The following KDM2B variants were observed in gnomAD, a reference collection of about 807,000 sequenced individuals.
KDM2B encodes lysine demethylase 2B.
In KDM2B, 26 loss-of-function variants were observed where a neutral mutation model predicts 150.0. The observed-to-expected ratio is 0.17, with a 90% CI of 0.13 to 0.24. The LOEUF is 0.24. KDM2B is among the 10% of genes least tolerant of loss of function. The probability of loss-of-function intolerance (pLI) is 1.00; values close to 1 mark genes in which losing one functional copy is unlikely to be tolerated. For missense variants in KDM2B, 1,265 were observed against 1,816.9 expected (o/e 0.70, Z 5.52); for synonymous variants, 734 against 729.5 (o/e 1.01, Z -0.10).
chr12:121,484,182 G>A (rs1555298392), intron 12 of KDM2B, among the ~76,000 whole-genome samples: 1 of 152,146 alleles, frequency 6.6e-6, no homozygotes, highest in Non-Finnish European at 1.5e-5. Flanking sequence ...GGCCAGAGAG[G>A]CAAAGAAGCC....
At chr12:121,535,884 G>A (rs141692344) in intron 6 of KDM2B, 3,043 of 175,526 alleles carry the variant, frequency 0.017, 91 homozygotes, top group African/African-American at 0.07. Flanking sequence ...GGCACATGAC[G>A]GTGCCAGGGA....
chr12:121,438,653 G>T (rs1391562468), intron 22 of KDM2B, among the ~76,000 whole-genome samples: 1 of 152,050 alleles, frequency 6.6e-6, no homozygotes, highest in African/African-American at 2.4e-5. Context: ...GGTCCCGAAT[G>T]ATCTCATCCC....
At chr12:121,436,018 AAAT>A (rs1873919009) in intron 22 of KDM2B, among the ~76,000 whole-genome samples, 1 of 152,240 alleles carries the variant, frequency 6.6e-6, no homozygotes, top group Non-Finnish European at 1.5e-5. Flanking sequence ...AGAGAGAAGA[AAAT>A]AAAACAATCA....
intron 11 of KDM2B, among the ~76,000 whole-genome samples, chr12:121,502,753 T>C (rs1555302216): frequency 9.4e-6 from 1 of 105,902 alleles, no homozygotes; most frequent in East Asian, 3.1e-4. Context: ...GAGACCCCCA[T>C]CTCTACCAAA....
the KDM2B span, among the ~76,000 whole-genome samples, chr12:121,415,030 A>G: frequency 1.3e-5 from 2 of 152,140 alleles, no homozygotes; most frequent in Non-Finnish European, 2.9e-5. Flanking sequence ...CGGGAGGCGG[A>G]CGTTGCAGTG....
At chr12:121,496,769 G>A (rs549596363) in intron 11 of KDM2B, among the ~76,000 whole-genome samples, 9 of 152,052 alleles carry the variant, frequency 5.9e-5, no homozygotes, top group African/African-American at 2.2e-4. Context: ...TGGGAGTGCG[G>A]ATGTGAGCCC....
the KDM2B span, chr12:121,419,871 G>A: frequency 5.8e-6 from 1 of 173,576 alleles, no homozygotes. Flanking sequence ...GCTTTTTTCT[G>A]TCTGCATCTT....
chr12:121,508,887 G>C (rs1885325536), intron 11 of KDM2B, among the ~76,000 whole-genome samples: 1 of 152,208 alleles, frequency 6.6e-6, no homozygotes, highest in Non-Finnish European at 1.5e-5. Flanking sequence ...GCTCCAACAT[G>C]CTGGCCCAGG....
intron 6 of KDM2B, among the ~76,000 whole-genome samples, chr12:121,543,879 T>A (rs782479734): frequency 6.6e-6 from 1 of 151,804 alleles, no homozygotes; most frequent in South Asian, 2.1e-4. Flanking sequence ...CCCAGCACTT[T>A]GGGAGGCCAA....
downstream of KDM2B, among the ~76,000 whole-genome samples, chr12:121,425,769 CTTT>C (rs111588236): frequency 2.1e-5 from 3 of 141,766 alleles, no homozygotes; most frequent in Non-Finnish European, 4.6e-5. Flanking sequence ...TTTGTCTAAA[CTTT>C]TTTTTTTTTT....
chr12:121,517,199 G>A (rs1350578181), intron 9 of KDM2B, among the ~76,000 whole-genome samples: 1 of 152,034 alleles, frequency 6.6e-6, no homozygotes, highest in East Asian at 1.9e-4. Flanking sequence ...ACTCGTTGCT[G>A]TCACTCTTCC....
chr12:121,571,632 T>C (rs1204829735), intron 4 of KDM2B, among the ~76,000 whole-genome samples: 2 of 151,152 alleles, frequency 1.3e-5, no homozygotes, highest in Non-Finnish European at 2.9e-5. Context: ...GCAACTTTTA[T>C]AGTATGTGAA....
intron 4 of KDM2B, among the ~76,000 whole-genome samples, chr12:121,560,416 T>C (rs1368551138): frequency 1.3e-5 from 2 of 152,158 alleles, no homozygotes; most frequent in Non-Finnish European, 2.9e-5. Flanking sequence ...ACAGAAGCTT[T>C]GATGACAGCC....
At chr12:121,428,983 C>CA (rs1555284709), downstream of KDM2B, 4 of 152,300 alleles carry the variant, frequency 2.6e-5, no homozygotes, top group African/African-American at 9.6e-5. Flanking sequence ...TGGCCGTTGT[C>CA]AGAGTATAGC....
At chr12:121,517,097 G>C (rs1886281815) in intron 9 of KDM2B, among the ~76,000 whole-genome samples, 1 of 152,078 alleles carries the variant, frequency 6.6e-6, no homozygotes, top group Admixed American at 6.6e-5. Flanking sequence ...TGATCATTTG[G>C]ACCATACCTA....
intron 9 of KDM2B, among the ~76,000 whole-genome samples, chr12:121,515,940 C>G (rs1490031427): frequency 1.3e-5 from 2 of 152,160 alleles, no homozygotes; most frequent in East Asian, 3.9e-4. Context: ...AGTTTCAGTG[C>G]TGGGAGAAGA....
At chr12:121,500,634 C>A (rs1884450762) in intron 11 of KDM2B, among the ~76,000 whole-genome samples, 1 of 152,240 alleles carries the variant, frequency 6.6e-6, no homozygotes, top group Non-Finnish European at 1.5e-5. Context: ...AAGGGAGGCG[C>A]AGCTTGGGGA....
upstream of KDM2B, chr12:121,581,066 C>T: frequency 2.0e-6 from 2 of 977,088 alleles, no homozygotes; most frequent in Non-Finnish European, 2.9e-6. Context: ...CCGCAGCTGA[C>T]CGGAAGACGT....
chr12:121,580,695 C>T, intron 1 of KDM2B, 91 bp downstream of exon 1: 1 of 1,479,310 alleles, frequency 6.8e-7, no homozygotes. Flanking sequence ...GCCTGGCACC[C>T]CCAAAAACGA....
Sources: gnomAD v4.1 joint callset for allele counts (sites outside exome capture counted in the v4.1 genomes callset) on GRCh38, gnomAD v4.1.1 for gene constraint, MANE v1.5 for transcripts, NCBI Gene and HGNC (gene_info 2026-07-23, HGNC 2026-07-21) for gene names.